The following MAMDC2 variants were observed in gnomAD, a reference collection of about 807,000 sequenced individuals.
MAMDC2 encodes MAM domain containing 2.
In MAMDC2, 57 loss-of-function variants were observed where a neutral mutation model predicts 89.8. The ratio of observed to expected loss-of-function variants is 0.63; its 90% confidence interval spans 0.51 to 0.79. MAMDC2 has a LOEUF of 0.79. MAMDC2 is among the 30% of genes least tolerant of loss of function. The probability of loss-of-function intolerance (pLI) is 0.00; values close to 1 mark genes in which losing one functional copy is unlikely to be tolerated. For synonymous variants in MAMDC2, 313 were observed against 293.4 expected (o/e 1.07, Z -0.68); for missense variants, 800 against 820.6 (o/e 0.97, Z 0.31).
At chr9:70,200,785 T>C (rs2033085837) in intron 11 of MAMDC2, among the ~76,000 whole-genome samples, 1 of 150,914 alleles carries the variant, frequency 6.6e-6, no homozygotes, top group Non-Finnish European at 1.5e-5. Context: ...GTAAGTTGGA[T>C]TCCTAGGTAT....
chr9:70,050,337 A>G (rs183842095), intron 2 of MAMDC2, among the ~76,000 whole-genome samples: 3 of 152,318 alleles, frequency 2.0e-5, no homozygotes, highest in Non-Finnish European at 4.4e-5. Flanking sequence ...GTGTTTTCCT[A>G]CGTGCTCCTG....
At chr9:70,147,477 T>G (rs2031445071) in intron 9 of MAMDC2, among the ~76,000 whole-genome samples, 1 of 150,054 alleles carries the variant, frequency 6.7e-6, no homozygotes, top group Admixed American at 6.7e-5. Flanking sequence ...TTCCTCGTAA[T>G]TTTTAGTTTT....
At chr9:70,051,636 A>G (rs1427598488) in intron 2 of MAMDC2, among the ~76,000 whole-genome samples, 5 of 152,142 alleles carry the variant, frequency 3.3e-5, no homozygotes, top group Admixed American at 3.3e-4. Context: ...AGTGAAATCC[A>G]TTTATGTTAG....
chr9:70,121,791 A>C (rs1054344111), intron 5 of MAMDC2, among the ~76,000 whole-genome samples: 2 of 151,928 alleles, frequency 1.3e-5, no homozygotes, highest in African/African-American at 4.8e-5. Context: ...TGTTGGGTTC[A>C]TTGAACTAGG....
chr9:70,067,665 A>G (rs1267579635), intron 2 of MAMDC2, among the ~76,000 whole-genome samples: 1 of 152,188 alleles, frequency 6.6e-6, no homozygotes, highest in Non-Finnish European at 1.5e-5. Context: ...ATGATCTTAC[A>G]TGTGTTTATT....
intron 2 of MAMDC2, among the ~76,000 whole-genome samples, chr9:70,066,120 G>C (rs1046348912): frequency 6.6e-6 from 1 of 152,138 alleles, no homozygotes; most frequent in African/African-American, 2.4e-5. Flanking sequence ...AGGGTAAGAG[G>C]ATAGGTATGA....
At chr9:70,186,720 C>G (rs1212592478) in intron 11 of MAMDC2, among the ~76,000 whole-genome samples, 1 of 152,164 alleles carries the variant, frequency 6.6e-6, no homozygotes, top group Non-Finnish European at 1.5e-5. Flanking sequence ...GTTCTGCAGG[C>G]TCTAACAGCA....
intron 11 of MAMDC2, chr9:70,216,310 AG>A (rs1359628148): frequency 6.6e-6 from 1 of 152,342 alleles, no homozygotes; most frequent in Middle Eastern, 3.4e-3. Context: ...GAGGCTGGAA[AG>A]TCCAACATCA....
intron 2 of MAMDC2, among the ~76,000 whole-genome samples, chr9:70,067,586 G>T (rs1433716580): frequency 6.6e-6 from 1 of 152,166 alleles, no homozygotes; most frequent in Non-Finnish European, 1.5e-5. Context: ...TGAGCAAAAA[G>T]TAATTGATTC....
At chr9:70,183,247 T>C (rs2032682042) in intron 11 of MAMDC2, among the ~76,000 whole-genome samples, 1 of 152,226 alleles carries the variant, frequency 6.6e-6, no homozygotes, top group South Asian at 2.1e-4. Context: ...TTGCATTTAC[T>C]GAGGAGTGTT....
intron 12 of MAMDC2, among the ~76,000 whole-genome samples, chr9:70,221,417 G>T (rs2033563997): frequency 1.4e-5 from 1 of 71,760 alleles, no homozygotes; most frequent in South Asian, 5.4e-4. Flanking sequence ...AGTAACATCA[G>T]ATAACAAGTG....
chr9:70,215,196 C>T (rs191923358), intron 11 of MAMDC2, among the ~76,000 whole-genome samples: 9 of 152,292 alleles, frequency 5.9e-5, no homozygotes, highest in African/African-American at 2.2e-4. Context: ...CAGGAGAATA[C>T]AGTGTCTTGC....
chr9:70,198,424 G>A (rs1403796553), intron 11 of MAMDC2, among the ~76,000 whole-genome samples: 1 of 152,048 alleles, frequency 6.6e-6, no homozygotes, highest in African/African-American at 2.4e-5. Flanking sequence ...TATGCTGTCA[G>A]AATTCCTTGT....
intron 11 of MAMDC2, among the ~76,000 whole-genome samples, chr9:70,173,709 G>A (rs1364850792): frequency 6.6e-6 from 1 of 152,086 alleles, no homozygotes; most frequent in East Asian, 1.9e-4. Flanking sequence ...TGAAGACTGT[G>A]GAATGCCTTA....
At chr9:70,193,059 T>TAACA (rs1303632911) in intron 11 of MAMDC2, among the ~76,000 whole-genome samples, 3 of 152,000 alleles carry the variant, frequency 2.0e-5, no homozygotes, top group Non-Finnish European at 4.4e-5. Flanking sequence ...GGGTTCCTGC[T>TAACA]AACACTGGAT....
intron 11 of MAMDC2, among the ~76,000 whole-genome samples, chr9:70,209,658 A>G (rs1014909333): frequency 6.6e-6 from 1 of 151,834 alleles, no homozygotes; most frequent in Non-Finnish European, 1.5e-5. Flanking sequence ...GATCTTAGTT[A>G]TTTCTTGCCT....
At chr9:70,111,608 C>A (rs2118272563) in intron 4 of MAMDC2, among the ~76,000 whole-genome samples, 1 of 152,292 alleles carries the variant, frequency 6.6e-6, no homozygotes, top group Admixed American at 6.5e-5. Flanking sequence ...GCATTTGGCA[C>A]TGAATGTTAG....
intron 6 of MAMDC2, among the ~76,000 whole-genome samples, chr9:70,126,839 T>G (rs1355953281): frequency 6.6e-6 from 1 of 152,104 alleles, no homozygotes; most frequent in Non-Finnish European, 1.5e-5. Flanking sequence ...TTTTTTTTTT[T>G]TTTAGAAAAA....
chr9:70,123,362 C>A (rs1370723354), intron 5 of MAMDC2, among the ~76,000 whole-genome samples: 1 of 152,068 alleles, frequency 6.6e-6, no homozygotes, highest in Non-Finnish European at 1.5e-5. Flanking sequence ...TAGAGGGTTT[C>A]CAAGCTTGGG....
Sources: gnomAD v4.1 joint callset for allele counts (sites outside exome capture counted in the v4.1 genomes callset) on GRCh38, gnomAD v4.1.1 for gene constraint, MANE v1.5 for transcripts, NCBI Gene and HGNC (gene_info 2026-07-23, HGNC 2026-07-21) for gene names.